The following BLTP1 variants were observed in gnomAD, a reference collection of about 807,000 sequenced individuals.
BLTP1 encodes bridge-like lipid transfer protein family member 1, also known as fragile site-associated protein.
At chr4:122,173,039 C>A in the BLTP1 span, 1 of 1,613,000 alleles carries the variant, frequency 6.2e-7, no homozygotes, top group South Asian at 1.1e-5. Context: ...CCAACAGCTA[C>A]CATTTTGTCC....
chr4:122,249,725 A>G, the BLTP1 span: 4 of 1,604,420 alleles, frequency 2.5e-6, no homozygotes, highest in Admixed American at 1.7e-5. Context: ...GGGGACAAAT[A>G]TGTCCTATAT....
the BLTP1 span, chr4:122,300,030 G>T: frequency 5.8e-5 from 44 of 762,996 alleles, no homozygotes; most frequent in Non-Finnish European, 7.0e-5. Context: ...TTTTGTTTTT[G>T]AGTCAGTCTC....
At chr4:122,299,896 G>A in the BLTP1 span, 1 of 985,090 alleles carries the variant, frequency 1.0e-6, no homozygotes, top group Non-Finnish European at 1.2e-6. Flanking sequence ...GTATATTTTA[G>A]AGAAGGATAG....
the BLTP1 span, chr4:122,289,464 T>C: frequency 1.0e-6 from 1 of 978,990 alleles, no homozygotes; most frequent in Middle Eastern, 5.3e-4. Context: ...ACAGTATGTC[T>C]ATTAACCAAA....
At chr4:122,307,974 G>T in the BLTP1 span, 1 of 1,613,050 alleles carries the variant, frequency 6.2e-7, no homozygotes, top group Non-Finnish European at 8.5e-7. Flanking sequence ...TGAATTATAA[G>T]GCCGCCTATG....
chr4:122,184,776 G>GA, the BLTP1 span: 1 of 985,320 alleles, frequency 1.0e-6, no homozygotes, highest in Non-Finnish European at 1.2e-6. Flanking sequence ...CCACACATGA[G>GA]AAACTGCAAA....
chr4:122,212,970 C>A, the BLTP1 span, among the ~76,000 whole-genome samples: 1 of 152,128 alleles, frequency 6.6e-6, no homozygotes, highest in Non-Finnish European at 1.5e-5. Flanking sequence ...AAAACTTTGT[C>A]TAGCCCAATG....
chr4:122,257,038 T>A, the BLTP1 span, among the ~76,000 whole-genome samples: 1 of 152,200 alleles, frequency 6.6e-6, no homozygotes, highest in Non-Finnish European at 1.5e-5. Context: ...GACACAAAGA[T>A]GAAACGTTGT....
the BLTP1 span, chr4:122,182,522 C>A: frequency 2.7e-6 from 1 of 373,082 alleles, no homozygotes; most frequent in Non-Finnish European, 3.7e-6. Context: ...GTTATTCCAT[C>A]TGAGCTCCCC....
chr4:122,334,511 C>G, the BLTP1 span: 185 of 1,612,726 alleles, frequency 1.1e-4, no homozygotes, highest in Middle Eastern at 8.3e-4. Context: ...AGACTAACAC[C>G]TTACTTCCTC....
the BLTP1 span, chr4:122,347,717 G>C: frequency 6.2e-7 from 1 of 1,613,764 alleles, no homozygotes; most frequent in Non-Finnish European, 8.5e-7. Context: ...GTAGGACAGA[G>C]CCTAAAATCC....
chr4:122,160,197 T>C, the BLTP1 span, among the ~76,000 whole-genome samples: 4 of 152,218 alleles, frequency 2.6e-5, no homozygotes, highest in African/African-American at 9.6e-5. Context: ...GTAATATTCA[T>C]AGGTCCTGCT....
the BLTP1 span, among the ~76,000 whole-genome samples, chr4:122,322,430 G>C: frequency 1.1e-5 from 1 of 88,314 alleles, no homozygotes; most frequent in Non-Finnish European, 2.4e-5. Flanking sequence ...CTTGCATGCT[G>C]TCCACTTTAT....
At chr4:122,315,597 A>G in the BLTP1 span, 1 of 1,613,966 alleles carries the variant, frequency 6.2e-7, no homozygotes, top group African/African-American at 1.3e-5. Flanking sequence ...GGAGAGGAAG[A>G]CATAGATGAC....
chr4:122,209,399 CT>C, the BLTP1 span: 1 of 1,527,246 alleles, frequency 6.5e-7, no homozygotes, highest in Non-Finnish European at 9.0e-7. Context: ...AATCCCAGCA[CT>C]TTGGGAGGCC....
the BLTP1 span, chr4:122,356,541 T>C: frequency 7.3e-7 from 1 of 1,375,600 alleles, no homozygotes; most frequent in Non-Finnish European, 1.0e-6. Flanking sequence ...TTCATGTGGA[T>C]GCATTTACAT....
chr4:122,201,670 G>A, the BLTP1 span, among the ~76,000 whole-genome samples: 8 of 152,062 alleles, frequency 5.3e-5, no homozygotes, highest in African/African-American at 1.7e-4. Flanking sequence ...CATATTGTTG[G>A]TCTATGAATA....
chr4:122,245,249 A>T, the BLTP1 span: 3 of 968,034 alleles, frequency 3.1e-6, no homozygotes, highest in Admixed American at 2.3e-5. Context: ...ATATTTGGAC[A>T]TGTTCTAAAA....
the BLTP1 span, among the ~76,000 whole-genome samples, chr4:122,294,523 A>G: frequency 2.0e-5 from 3 of 152,186 alleles, no homozygotes; most frequent in African/African-American, 7.2e-5. Context: ...CAGCAGCCCT[A>G]CAGAAGAGTG....
Sources: allele counts gnomAD v4.1 joint callset (sites outside exome capture counted in the v4.1 genomes callset), GRCh38; gene constraint gnomAD v4.1.1; transcripts MANE v1.5; gene names NCBI Gene and HGNC (gene_info 2026-07-23, HGNC 2026-07-21).